Variants in LOC400499 observed in about 807,000 individuals in gnomAD.
the LOC400499 span, chr16:11,471,486 C>G: frequency 4.3e-5 from 17 of 396,510 alleles, no homozygotes; most frequent in Non-Finnish European, 7.5e-5. Flanking sequence ...TCATACAGCC[C>G]CAGATGGAGA....
the LOC400499 span, among the ~76,000 whole-genome samples, chr16:11,430,349 G>A: frequency 2.3e-3 from 352 of 152,186 alleles, 2 homozygotes; most frequent in African/African-American, 8.0e-3. Context: ...AATTAGCCAG[G>A]TGTGATGCTG....
chr16:11,411,327 G>A, the LOC400499 span: 3 of 399,304 alleles, frequency 7.5e-6, no homozygotes, highest in African/African-American at 6.2e-5. Context: ...GCAGCTCTTT[G>A]CTAGAAGGAA....
At chr16:11,460,159 A>T in the LOC400499 span, 1 of 1,020,138 alleles carries the variant, frequency 9.8e-7, no homozygotes, top group African/African-American at 1.6e-5. Flanking sequence ...GGTTTTCAGA[A>T]GAGACGGTTC....
the LOC400499 span, among the ~76,000 whole-genome samples, chr16:11,404,373 G>A: frequency 4.6e-5 from 7 of 152,030 alleles, no homozygotes; most frequent in African/African-American, 1.2e-4. Flanking sequence ...TTTTGAGACC[G>A]AGTCTCACTC....
chr16:11,501,037 G>C, the LOC400499 span: 10 of 398,258 alleles, frequency 2.5e-5, no homozygotes, highest in Non-Finnish European at 4.4e-5. Flanking sequence ...AGTCACCCGG[G>C]GGTAAACTGA....
At chr16:11,525,882 G>T in the LOC400499 span, among the ~76,000 whole-genome samples, 6 of 152,170 alleles carry the variant, frequency 3.9e-5, no homozygotes, top group Non-Finnish European at 4.4e-5. Context: ...CCAAGGATGG[G>T]AAAACACTGC....
chr16:11,412,872 G>A, the LOC400499 span: 1 of 399,110 alleles, frequency 2.5e-6, no homozygotes, highest in Non-Finnish European at 4.4e-6. Flanking sequence ...CGGACGTCAA[G>A]GACCAAGGTG....
the LOC400499 span, chr16:11,446,961 G>C: frequency 1.3e-6 from 2 of 1,501,316 alleles, no homozygotes; most frequent in Non-Finnish European, 1.8e-6. Flanking sequence ...AGCTGGCAGT[G>C]CCAGGGGACA....
the LOC400499 span, among the ~76,000 whole-genome samples, chr16:11,397,121 C>T: frequency 2.6e-5 from 4 of 152,162 alleles, no homozygotes; most frequent in East Asian, 1.9e-4. Flanking sequence ...CCCAGGAGGC[C>T]GGCACCTAGG....
At chr16:11,417,119 C>A in the LOC400499 span, among the ~76,000 whole-genome samples, 3 of 152,042 alleles carry the variant, frequency 2.0e-5, no homozygotes, top group African/African-American at 7.3e-5. Context: ...TCCCACCCCC[C>A]CTCACCCTCT....
the LOC400499 span, among the ~76,000 whole-genome samples, chr16:11,512,489 G>C: frequency 6.6e-6 from 1 of 151,678 alleles, no homozygotes; most frequent in Non-Finnish European, 1.5e-5. Context: ...TATAATGCCA[G>C]GTACTCAGAG....
chr16:11,456,959 C>G, the LOC400499 span: 1 of 1,536,272 alleles, frequency 6.5e-7, no homozygotes, highest in Non-Finnish European at 8.7e-7. Flanking sequence ...GACTGCTGCT[C>G]TCCACATAGG....
the LOC400499 span, among the ~76,000 whole-genome samples, chr16:11,453,292 G>A: frequency 6.6e-6 from 1 of 152,272 alleles, no homozygotes; most frequent in South Asian, 2.1e-4. Context: ...TCCTCAGGCA[G>A]CTTCTGAGTA....
chr16:11,422,427 G>A, the LOC400499 span, among the ~76,000 whole-genome samples: 8 of 152,032 alleles, frequency 5.3e-5, no homozygotes, highest in Non-Finnish European at 1.2e-4. Flanking sequence ...GGACGGAAAG[G>A]AACAGAACGG....
the LOC400499 span, among the ~76,000 whole-genome samples, chr16:11,486,081 TGGATGGATGGAC>T: frequency 6.8e-6 from 1 of 146,930 alleles, no homozygotes; most frequent in African/African-American, 2.6e-5. Context: ...GATGGATGTA[TGGATGGATGGAC>T]GGATAGATGG....
the LOC400499 span, chr16:11,439,416 C>T: frequency 7.5e-6 from 3 of 398,418 alleles, no homozygotes; most frequent in Non-Finnish European, 1.3e-5. Flanking sequence ...GCCCATCTCC[C>T]AGCAGGCCAG....
the LOC400499 span, among the ~76,000 whole-genome samples, chr16:11,379,617 C>T: frequency 1.6e-4 from 24 of 152,372 alleles, no homozygotes; most frequent in African/African-American, 5.0e-4. Flanking sequence ...CAGCCAAGGA[C>T]TGCGGTGACC....
At chr16:11,471,777 G>C in the LOC400499 span, 2 of 399,096 alleles carry the variant, frequency 5.0e-6, no homozygotes, top group Non-Finnish European at 4.4e-6. Context: ...GCACCGGCCA[G>C]GTCACTCCAG....
chr16:11,434,802 C>A, the LOC400499 span, among the ~76,000 whole-genome samples: 2 of 152,116 alleles, frequency 1.3e-5, no homozygotes, highest in Non-Finnish European at 2.9e-5. Context: ...CCAGAGGCAG[C>A]CGTGGCCGAG....
Sources: allele counts gnomAD v4.1 joint callset (sites outside exome capture counted in the v4.1 genomes callset), GRCh38; gene constraint gnomAD v4.1.1; transcripts MANE v1.5.